PLBD1: variants seen among roughly 807,000 people sequenced by gnomAD.
PLBD1 encodes lysosomal leucine aminopeptidase.
Under a neutral mutation model 63.0 loss-of-function variants are expected in PLBD1, and 60 were observed. The ratio of observed to expected loss-of-function variants is 0.95; its 90% CI spans 0.77 to 1.18. PLBD1 has a LOEUF of 1.18. Ranked by LOEUF, PLBD1 falls within the 50% of genes most tolerant of loss-of-function variation. PLBD1 has a pLI of 0.00. For missense variants in PLBD1, 598 were observed against 677.9 expected, an observed-to-expected ratio of 0.88 and a Z score of 1.31; for synonymous variants, 262 against 248.0, an observed-to-expected ratio of 1.06 and a Z score of -0.53.
chr12:14,555,661 T>C (rs2136932664), intron 1 of PLBD1, among the ~76,000 whole-genome samples: 1 of 152,306 alleles, frequency 6.6e-6, no homozygotes, highest in South Asian at 2.1e-4. Flanking sequence ...CCAGAGACCA[T>C]CACATACAGC....
intron 9 of PLBD1, among the ~76,000 whole-genome samples, chr12:14,506,678 CTA>C (rs1210579317): frequency 6.6e-6 from 1 of 150,728 alleles, no homozygotes; most frequent in Non-Finnish European, 1.5e-5. Context: ...AAAGGACCCT[CTA>C]TGAGTTATTT....
At chr12:14,538,791 C>T (rs1320554531) in intron 4 of PLBD1, among the ~76,000 whole-genome samples, 4 of 152,028 alleles carry the variant, frequency 2.6e-5, no homozygotes, top group Admixed American at 2.0e-4. Context: ...TTTGGGAGGC[C>T]GAGTCCAGTG....
intron 1 of PLBD1, among the ~76,000 whole-genome samples, chr12:14,567,366 A>G (rs1480483637): frequency 6.6e-6 from 1 of 152,220 alleles, no homozygotes; most frequent in Admixed American, 6.5e-5. Flanking sequence ...CAAAACTTGT[A>G]AAGTTGGCAG....
intron 1 of PLBD1, among the ~76,000 whole-genome samples, chr12:14,565,260 G>A (rs1320421189): frequency 6.6e-6 from 1 of 152,094 alleles, no homozygotes; most frequent in Non-Finnish European, 1.5e-5. Context: ...GAGGCCAGGA[G>A]TTCGAGACTA....
chr12:14,533,519 A>G (rs1172466910), intron 6 of PLBD1, among the ~76,000 whole-genome samples: 6 of 152,144 alleles, frequency 3.9e-5, no homozygotes, highest in African/African-American at 1.4e-4. Context: ...CTCCATCACT[A>G]CCTCTGGGAT....
chr12:14,552,896 C>T (rs1010449730), intron 2 of PLBD1, among the ~76,000 whole-genome samples: 5 of 152,250 alleles, frequency 3.3e-5, no homozygotes, highest in Admixed American at 3.3e-4. Context: ...GGCACAGTGG[C>T]TCATGCTTGT....
At chr12:14,564,025 C>T (rs141325485) in intron 1 of PLBD1, among the ~76,000 whole-genome samples, 25 of 152,210 alleles carry the variant, frequency 1.6e-4, no homozygotes, top group Admixed American at 3.9e-4. Context: ...GGATCACTTG[C>T]GAGCAAGAGT....
rs1425303161 is a variant in PLBD1 at position 14,506,149 on chromosome 12, A to G, written c.1479+13T>C. 1 of 1,571,064 alleles carries G rather than the reference A, an allele frequency of 6.4e-7. No individual in the cohort carries two copies. Among genetic ancestry groups the G allele is most frequent in the Non-Finnish European group, 8.7e-7 (1 of 1,146,622 alleles). ...CTGGTGGGAATTAAATTCAAAAGCC[A>G]ATAGCATGTTACCTTTGTGTCATAA... is the stretch of plus-strand genomic sequence containing the variant. On this transcript the variant is annotated intron_variant, in intron 10 of 10. Coordinates refer to ENST00000240617, the MANE Select transcript of PLBD1 (RefSeq NM_024829.6).
intron 5 of PLBD1, 68 bp from the exon 6 acceptor site, chr12:14,535,871 A>G (rs1945509922): frequency 6.6e-7 from 1 of 1,511,912 alleles, no homozygotes. Context: ...TCTTAAGTGT[A>G]AGAGGCATAC....
chr12:14,549,730 G>A (rs889681674), intron 2 of PLBD1, among the ~76,000 whole-genome samples: 1 of 152,050 alleles, frequency 6.6e-6, no homozygotes, highest in South Asian at 2.1e-4. Context: ...GTGCAATGGC[G>A]CAATCTCAAT....
chr12:14,567,139 C>T (rs946307675), intron 1 of PLBD1, among the ~76,000 whole-genome samples: 1 of 152,130 alleles, frequency 6.6e-6, no homozygotes, highest in Non-Finnish European at 1.5e-5. Flanking sequence ...CACTGCCAGG[C>T]ACGTATCAAA....
At chr12:14,534,538 CTTTTCTTTT>C (rs1448032973) in intron 6 of PLBD1, among the ~76,000 whole-genome samples, 1 of 123,480 alleles carries the variant, frequency 8.1e-6, no homozygotes, top group Non-Finnish European at 1.8e-5. Flanking sequence ...TTTCTCTTTT[CTTTTCTTTT>C]TTTTTTTTTT....
intron 6 of PLBD1, among the ~76,000 whole-genome samples, chr12:14,526,869 G>C (rs553104649): frequency 6.2e-4 from 94 of 152,308 alleles, no homozygotes; most frequent in Admixed American, 2.3e-3. Flanking sequence ...CTACTCGGGA[G>C]GATGAGGCAG....
chr12:14,535,611 C>T (rs769771178), intron 6 of PLBD1, 48 bp downstream of exon 6: 29 of 1,596,316 alleles, frequency 1.8e-5, no homozygotes, highest in Non-Finnish European at 2.3e-5. Context: ...AAGGTTTTAT[C>T]CAGGAATAGT....
chr12:14,514,120 C>G (rs976470302), intron 6 of PLBD1, among the ~76,000 whole-genome samples: 2 of 152,150 alleles, frequency 1.3e-5, no homozygotes, highest in African/African-American at 4.8e-5. Context: ...TGCCATTAAG[C>G]TATAGAGAGC....
intron 1 of PLBD1, among the ~76,000 whole-genome samples, chr12:14,560,302 T>C (rs1945735732): frequency 1.3e-5 from 2 of 152,222 alleles, no homozygotes; most frequent in Admixed American, 1.3e-4. Flanking sequence ...TTCTAGCACC[T>C]CATTTATGAA....
intron 2 of PLBD1, among the ~76,000 whole-genome samples, chr12:14,552,646 A>G (rs1309718031): frequency 1.3e-5 from 2 of 152,202 alleles, no homozygotes; most frequent in African/African-American, 2.4e-5. Context: ...CACACCTGTA[A>G]TTCCAACACG....
intron 1 of PLBD1, among the ~76,000 whole-genome samples, chr12:14,555,851 C>G (rs1945699161): frequency 6.6e-6 from 1 of 152,216 alleles, no homozygotes; most frequent in South Asian, 2.1e-4. Context: ...TGTAAGCACA[C>G]CATCTTTATG....
intron 1 of PLBD1, among the ~76,000 whole-genome samples, chr12:14,558,026 T>C (rs1945718835): frequency 7.8e-6 from 1 of 127,494 alleles, no homozygotes; most frequent in Non-Finnish European, 1.6e-5. Context: ...GTGGTACATA[T>C]ACACAATGAA....
Sources: gnomAD v4.1 joint callset for allele counts (sites outside exome capture counted in the v4.1 genomes callset) on GRCh38, gnomAD v4.1.1 for gene constraint, MANE v1.5 for transcripts, NCBI Gene and HGNC (gene_info 2026-07-23, HGNC 2026-07-21) for gene names.